The following FMN2 variants were observed in gnomAD, a reference collection of about 807,000 sequenced individuals.
FMN2 encodes formin-2.
Under a neutral mutation model 142.3 loss-of-function variants are expected in FMN2, and 51 were observed. The ratio of observed to expected loss-of-function variants is 0.36; its 90% CI spans 0.29 to 0.45. The LOEUF (loss-of-function observed/expected upper bound fraction) is 0.45, where lower values mean the gene tolerates loss of function less well. Ranked by LOEUF, FMN2 falls within the 20% of genes least tolerant of loss-of-function variation. The probability of loss-of-function intolerance (pLI) is 1.00; values close to 1 mark genes in which losing one functional copy is unlikely to be tolerated. For synonymous variants in FMN2, 882 were observed against 869.8 expected, an observed-to-expected ratio of 1.01 and a Z score of -0.25; for missense variants, 1,936 against 2,122.8, an observed-to-expected ratio of 0.91 and a Z score of 1.73.
At chr1:240,431,903 G>A (rs1187240624) in intron 15 of FMN2, among the ~76,000 whole-genome samples, 1 of 150,994 alleles carries the variant, frequency 6.6e-6, no homozygotes, top group Admixed American at 6.6e-5. Context: ...ATGCTCATGA[G>A]GGATATTTGT....
intron 6 of FMN2, among the ~76,000 whole-genome samples, chr1:240,238,539 T>A (rs576538521): frequency 4.0e-4 from 61 of 152,318 alleles, no homozygotes; most frequent in African/African-American, 1.4e-3. Context: ...TTATTTAATC[T>A]TGTGATTTTG....
intron 2 of FMN2, chr1:240,145,044 C>T: frequency 7.2e-6 from 10 of 1,397,590 alleles, no homozygotes; most frequent in Non-Finnish European, 1.0e-5. Context: ...GCCATGTTCT[C>T]ATACATTTCC....
chr1:240,427,629 A>C (rs1675004963), intron 15 of FMN2, among the ~76,000 whole-genome samples: 1 of 152,228 alleles, frequency 6.6e-6, no homozygotes, highest in Non-Finnish European at 1.5e-5. Flanking sequence ...TTTTCTACTT[A>C]AAATTGATTC....
chr1:240,190,061 A>C (rs1394725637), intron 4 of FMN2, among the ~76,000 whole-genome samples: 1 of 152,200 alleles, frequency 6.6e-6, no homozygotes. Flanking sequence ...ATTGCTTTCT[A>C]TATTATGCTA....
At chr1:240,295,849 A>T (rs1236158925) in intron 8 of FMN2, among the ~76,000 whole-genome samples, 1 of 152,334 alleles carries the variant, frequency 6.6e-6, no homozygotes, top group East Asian at 1.9e-4. Context: ...ACTGCTTTCT[A>T]TTATGGCTGT....
chr1:240,465,323 C>T lies in FMN2; in HGVS notation c.5061-7049C>T, dbSNP rs1190043494. On this transcript the variant is annotated intron_variant, in intron 16 of 17. Transcript: ENST00000319653. The stretch of plus-strand genomic sequence containing the variant: ...CTCCCCACACACTCCCTACCTTATG[C>T]CTCCCTCTGTGTGTGTGTGTGTGTG... 2.7e-5 allele frequency among the ~76,000 whole-genome samples: 4 copies of T among 146,390 alleles called. No homozygotes were observed. The East Asian group carries it at 8.2e-4, about 30-fold the overall frequency.
In FMN2 at chr1:240,174,380, G is replaced by A. The variant is rs1242481449; in HGVS notation, c.1783-3541G>A. Among the ~76,000 whole-genome samples, 5 of 152,080 alleles carry A rather than the reference G, an allele frequency of 3.3e-5. No individual in the cohort carries two copies. In the South Asian group the frequency reaches 6.2e-4, roughly 19 times the overall value. Reference sequence around the variant, plus strand: ...TTTTCTTTCTGTTTTTTTGAGACAAGGTCTTGCTCTGTTGTCCAGGCTAGA... The same window carrying A: ...TTTTCTTTCTGTTTTTTTGAGACAAAGTCTTGCTCTGTTGTCCAGGCTAGA... On this transcript the variant is annotated intron_variant, in intron 2 of 17. Coordinates refer to ENST00000319653, the MANE Select transcript of FMN2 (RefSeq NM_020066.5).
chr1:240,322,606 A>G (rs1671011284), intron 8 of FMN2, among the ~76,000 whole-genome samples: 1 of 152,210 alleles, frequency 6.6e-6, no homozygotes, highest in Non-Finnish European at 1.5e-5. Context: ...GCGGTATGCT[A>G]GAGAGGAAAA....
chr1:240,116,293 C>T (rs1433408459), intron 1 of FMN2, among the ~76,000 whole-genome samples: 1 of 152,192 alleles, frequency 6.6e-6, no homozygotes, highest in Non-Finnish European at 1.5e-5. Flanking sequence ...CCCCTTCTTC[C>T]ATACTCTGTT....
chr1:240,402,067 A>G (rs1427585313), intron 15 of FMN2, among the ~76,000 whole-genome samples: 1 of 152,146 alleles, frequency 6.6e-6, no homozygotes, highest in Non-Finnish European at 1.5e-5. Flanking sequence ...CATTTTGTAA[A>G]CCTCACACAC....
chr1:240,346,470 GA>G (rs1296782083), intron 13 of FMN2, among the ~76,000 whole-genome samples: 2 of 152,118 alleles, frequency 1.3e-5, no homozygotes, highest in Admixed American at 1.3e-4. Context: ...ATGGATAAGG[GA>G]GGGCAACTTC....
chr1:240,213,011 C>T (rs1274091556), intron 6 of FMN2, among the ~76,000 whole-genome samples: 1 of 151,930 alleles, frequency 6.6e-6, no homozygotes, highest in Non-Finnish European at 1.5e-5. Flanking sequence ...AAGAAGTCTC[C>T]CAGGTTGCCC....
intron 15 of FMN2, among the ~76,000 whole-genome samples, chr1:240,404,755 T>C (rs1418964683): frequency 6.6e-6 from 1 of 152,186 alleles, no homozygotes; most frequent in African/African-American, 2.4e-5. Context: ...CTTTCAACAG[T>C]AGGGGAGCCC....
At chr1:240,434,868 A>T (rs1186573473) in intron 15 of FMN2, among the ~76,000 whole-genome samples, 51 of 137,944 alleles carry the variant, frequency 3.7e-4, no homozygotes, top group African/African-American at 1.3e-3. Flanking sequence ...TTTTTTTTTT[A>T]AAGTATTTAC....
intron 6 of FMN2, among the ~76,000 whole-genome samples, chr1:240,249,297 G>C (rs1408476533): frequency 1.3e-5 from 2 of 152,014 alleles, no homozygotes; most frequent in Non-Finnish European, 2.9e-5. Flanking sequence ...TAAGGGTCAA[G>C]TTTCATTGTT....
At chr1:240,136,548 T>C (rs987896556) in intron 2 of FMN2, among the ~76,000 whole-genome samples, 1 of 152,186 alleles carries the variant, frequency 6.6e-6, no homozygotes, top group African/African-American at 2.4e-5. Context: ...TCACAACTGG[T>C]ACTTTTTTTT....
intron 4 of FMN2, 42 bp downstream of exon 4, chr1:240,188,304 AT>A: frequency 6.3e-7 from 1 of 1,594,684 alleles, no homozygotes; most frequent in Non-Finnish European, 8.6e-7. Context: ...CATCTGTCTT[AT>A]TTGTCTTAAG....
intron 14 of FMN2, among the ~76,000 whole-genome samples, chr1:240,370,428 T>G (rs1333122762): frequency 2.6e-5 from 4 of 152,250 alleles, no homozygotes; most frequent in Non-Finnish European, 5.9e-5. Flanking sequence ...TGCTCATTTC[T>G]CTACTTACCC....
chr1:240,226,809 GACACACACACACACACACACACACAT>G (rs1420020365), intron 6 of FMN2, among the ~76,000 whole-genome samples: 3 of 149,546 alleles, frequency 2.0e-5, no homozygotes, highest in African/African-American at 7.4e-5. Context: ...ACACTTTAGT[GACACACACACACACACACACACACAT>G]ACACACACAC....
Sources: allele counts gnomAD v4.1 joint callset (sites outside exome capture counted in the v4.1 genomes callset), GRCh38; gene constraint gnomAD v4.1.1; transcripts MANE v1.5; gene names NCBI Gene and HGNC (gene_info 2026-07-23, HGNC 2026-07-21).